NEB: variants seen among roughly 807,000 people sequenced by gnomAD.
NEB encodes nebulin, also known as nemaline myopathy type 2.
In NEB, 512 loss-of-function variants were observed where a neutral mutation model predicts 952.2. The observed-to-expected ratio is 0.54, with a 90% confidence interval of 0.50 to 0.58. The LOEUF is 0.58. NEB is among the 20% of genes least tolerant of loss of function. The pLI is 0.00. For missense variants in NEB, 8,428 were observed against 9,231.1 expected (o/e 0.91, Z 3.56); for synonymous variants, 2,900 against 3,149.8 (o/e 0.92, Z 2.66).
chr2:151,613,133 C>T (rs1334942903), intron 77 of NEB, among the ~76,000 whole-genome samples: 5 of 152,062 alleles, frequency 3.3e-5, no homozygotes, highest in African/African-American at 1.2e-4. Context: ...TCCAAAAGTG[C>T]TTGATTTAAC....
In NEB at chr2:151,656,443, C is replaced by A; in HGVS notation, c.6205G>T (p.Glu2069Ter). The change falls in exon 49 of 182, where the codon GAA becomes TAA. Residue 2069 changes from glutamate (E) to a stop codon, truncating the protein, a stop_gained. Transcript: ENST00000397345. LOFTEE classifies it high-confidence loss of function. ...ASDYKYKYNY[E>*]KGKGKMVGFR... ...CCAACCATTTTCCCCTTCCCTTTTTCATAATTGTACTTGTATTTATACTGT... is the reference window on the plus strand; with the variant it reads ...CCAACCATTTTCCCCTTCCCTTTTTAATAATTGTACTTGTATTTATACTGT... 2 of 1,611,880 alleles carry A rather than the reference C, an allele frequency of 1.2e-6. No individual in the cohort carries two copies. The highest frequency in any genetic ancestry group is 1.1e-5 in the South Asian group (1 of 90,806).
At chr2:151,568,030 G>C (rs757238122) in intron 113 of NEB, 41 bp downstream of exon 113, 1 of 1,470,054 alleles carries the variant, frequency 6.8e-7, no homozygotes, top group South Asian at 1.2e-5. Context: ...TGGGAGCAAG[G>C]TCCCACTTTT....
chr2:151,694,218 T>C (rs947424973), intron 20 of NEB, 105 bp downstream of exon 20: 2 of 975,610 alleles, frequency 2.0e-6, no homozygotes, highest in Non-Finnish European at 3.2e-6. Context: ...TGATTTGTCA[T>C]CTTGAATCCA....
intron 12 of NEB, among the ~76,000 whole-genome samples, chr2:151,707,812 A>C (rs989543429): frequency 6.6e-6 from 1 of 152,184 alleles, no homozygotes; most frequent in Non-Finnish European, 1.5e-5. Context: ...CAAGGCAATC[A>C]GCTTGGTATC....
chr2:151,507,434 A>G (rs1214522565), intron 162 of NEB, among the ~76,000 whole-genome samples: 1 of 152,154 alleles, frequency 6.6e-6, no homozygotes, highest in African/African-American at 2.4e-5. Context: ...TGAAGCAGAT[A>G]ATAATTATCT....
At chr2:151,681,499 T>A (rs2099413718) in intron 29 of NEB, among the ~76,000 whole-genome samples, 1 of 152,222 alleles carries the variant, frequency 6.6e-6, no homozygotes, top group Admixed American at 6.5e-5. Context: ...TTGTGCATGT[T>A]GTACATCCCA....
Position 151,650,724 on chromosome 2 carries a change from G to C in NEB, c.7077C>G (p.Ser2359Arg). 6.2e-7 allele frequency: 1 copy of C among 1,613,894 alleles called. No homozygotes were observed. The change falls in exon 53 of 182, where the codon AGC (serine) becomes AGG (arginine). Residue 2359 changes from serine to arginine, a missense_variant. By Grantham distance (110) the Ser-to-Arg change is moderately radical. This residue lies in a region of NEB where 1,772 missense variants were observed against 1,960.3 expected (regional missense o/e 0.90). Transcript: ENST00000397345. ...GTACCACTCCCAACATGTCCACTGG[G>C]CTGGAGAACTTAGTTTTCCACTTCT... ...DFEKWKTKFS[S>R]PVDMLGVVLA...
intron 34 of NEB, among the ~76,000 whole-genome samples, chr2:151,677,013 G>A (rs1042070726): frequency 4.6e-5 from 7 of 152,202 alleles, no homozygotes; most frequent in African/African-American, 1.7e-4. Flanking sequence ...TTTAGCCAGA[G>A]CATAGACGCT....
chr2:151,674,429 C>G, intron 36 of NEB, 48 bp downstream of exon 36: 1 of 1,420,672 alleles, frequency 7.0e-7, no homozygotes, highest in Non-Finnish European at 1.0e-6. Context: ...CATTTGATTA[C>G]TTTTCAAAAA....
At chr2:151,503,131 T>TA (rs2065995017) in intron 166 of NEB, 2 of 593,144 alleles carry the variant, frequency 3.4e-6, no homozygotes, top group Admixed American at 3.2e-5. Context: ...TAATTCTACT[T>TA]ATAGTATTTC....
chr2:151,517,763 G>A (rs2078750720), intron 156 of NEB, among the ~76,000 whole-genome samples: 1 of 152,142 alleles, frequency 6.6e-6, no homozygotes. Context: ...CATAGAAAAG[G>A]TACAGTAAAA....
chr2:151,702,433 G>C (rs1205644386), intron 13 of NEB, among the ~76,000 whole-genome samples: 1 of 152,170 alleles, frequency 6.6e-6, no homozygotes, highest in African/African-American at 2.4e-5. Context: ...TTGACTTTCT[G>C]TCTCGTTGAT....
chr2:151,526,992 T>C lies in NEB; in HGVS notation c.21871A>G (p.Lys7291Glu), dbSNP rs2086532073. Reference sequence around the variant, plus strand: ...TCAGTGACAGAAAGCTTGCAACCCTTGAGGAACTCCCGGTCCAGCTTATAT... The same window carrying C: ...TCAGTGACAGAAAGCTTGCAACCCTCGAGGAACTCCCGGTCCAGCTTATAT... ...FEYKLDREFL[K>E]GCKLSVTDDK... The change falls in exon 148 of 182, where the codon AAG becomes GAG. Residue 7291 changes from lysine (K) to glutamate (E), a missense_variant. Coordinates refer to ENST00000397345, the MANE Select transcript of NEB (RefSeq NM_001164508.2). 3 of 1,602,504 alleles carry C rather than the reference T, an allele frequency of 1.9e-6. No homozygotes were observed. The highest frequency in any genetic ancestry group is 2.6e-6 in the Non-Finnish European group (3 of 1,173,698).
chr2:151,502,934 G>A, intron 166 of NEB, 49 bp from the exon 167 acceptor site: 1 of 1,150,036 alleles, frequency 8.7e-7, no homozygotes, highest in African/African-American at 1.6e-5. Context: ...CAGGCACAGA[G>A]AGTAAGGAAG....
At chr2:151,486,142 T>C (rs2050161352) in intron 181 of NEB, 3 of 533,406 alleles carry the variant, frequency 5.6e-6, no homozygotes, top group Admixed American at 3.2e-5. Flanking sequence ...CCAGAACATA[T>C]GACGAACTCC....
intron 46 of NEB, among the ~76,000 whole-genome samples, chr2:151,660,298 C>T (rs928951933): frequency 2.0e-5 from 3 of 152,170 alleles, no homozygotes; most frequent in African/African-American, 4.8e-5. Flanking sequence ...ATACTCTGTA[C>T]TCCAATTTTC....
rs994623784 is a variant in NEB, at chr2:151,506,264, C to T, written c.23557-6G>A. On this transcript the variant is annotated splice_region_variant and splice_polypyrimidine_tract_variant and intron_variant, in intron 163 of 181. Transcript: ENST00000397345. ...ACATCCTCTTTATATAAAACCTGGG[C>T]ATTCAGAATCAGGACAGTGTTAACA... 8 of 1,599,302 alleles carry T rather than the reference C, an allele frequency of 5.0e-6. No individual in the cohort carries two copies. The highest frequency in any genetic ancestry group is 5.0e-5 in the Admixed American group (3 of 59,982).
At chr2:151,653,027 G>A (rs2099048157) in intron 52 of NEB, among the ~76,000 whole-genome samples, 1 of 152,070 alleles carries the variant, frequency 6.6e-6, no homozygotes, top group Admixed American at 6.6e-5. Flanking sequence ...CAACATTTCT[G>A]GAGTGCCAGA....
chr2:151,658,038 C>T lies in NEB; in HGVS notation c.6128G>A (p.Arg2043Lys), dbSNP rs904616398. ...AGCTTTGATAGGAATTGCATCAGGT[C>T]TGAGATCATAGCCTTTCTTTTTAGA... ...EESKKKGYDL[R>K]PDAIPIKAAK... The change falls in exon 48 of 182, where the codon AGA becomes AAA. Residue 2043 changes from arginine (R) to lysine (K), a missense_variant. By Grantham distance (26) the Arg-to-Lys change is conservative (BLOSUM62 2). This residue lies in a region of NEB where 2,851 missense variants were observed against 2,791.5 expected (regional missense o/e 1.02). Transcript: ENST00000397345. 3.7e-6 allele frequency: 6 copies of T among 1,611,228 alleles called. No homozygotes were observed. Among genetic ancestry groups the T allele is most frequent in the Non-Finnish European group, 5.1e-6 (6 of 1,178,460 alleles).
Sources: allele counts gnomAD v4.1 joint callset (sites outside exome capture counted in the v4.1 genomes callset), GRCh38; gene constraint gnomAD v4.1.1; regional missense constraint gnomAD v4.1.1; transcripts MANE v1.5; gene names NCBI Gene and HGNC (gene_info 2026-07-23, HGNC 2026-07-21).